The following HGD variants were observed in gnomAD, a reference collection of about 807,000 sequenced individuals.
HGD encodes the protein homogentisate 1,2-dioxygenase, also known as homogentisate oxidase.
Under a neutral mutation model 60.8 loss-of-function variants are expected in HGD, and 61 were observed. The ratio of observed to expected loss-of-function variants is 1.00; its 90% confidence interval spans 0.82 to 1.24. HGD has a LOEUF of 1.24. HGD is among the 50% of genes most tolerant of loss of function. The pLI is 0.00. For missense variants in HGD, 542 were observed against 547.1 expected (o/e 0.99, Z 0.09); for synonymous variants, 212 against 187.7 (o/e 1.13, Z -1.06).
intron 4 of HGD, among the ~76,000 whole-genome samples, chr3:120,654,824 G>A (rs1373627702): frequency 6.6e-6 from 1 of 152,174 alleles, no homozygotes; most frequent in Non-Finnish European, 1.5e-5. Flanking sequence ...TGTAATTCCA[G>A]CACCTTTGGA....
At position 120,682,117 on chromosome 3, in the gene HGD, C is replaced by T; in HGVS notation, c.-6G>A. 6.2e-7 allele frequency: 1 copy of T among 1,614,014 alleles called. No individual in the cohort carries two copies. The highest frequency in any genetic ancestry group is 8.5e-7 in the Non-Finnish European group (1 of 1,179,884). On this transcript the variant is annotated 5_prime_UTR_variant, in exon 1 of 14. Transcript: ENST00000283871. Reference sequence around the variant, plus strand: ...CTTACCTTTAACTCAGCCATTTTCTCTCTCCTCTATGTGTGGTGACTTCAG... The same window carrying T: ...CTTACCTTTAACTCAGCCATTTTCTTTCTCCTCTATGTGTGGTGACTTCAG...
intron 4 of HGD, among the ~76,000 whole-genome samples, chr3:120,666,294 G>A (rs1356571386): frequency 1.3e-5 from 2 of 152,082 alleles, no homozygotes; most frequent in African/African-American, 4.8e-5. Flanking sequence ...AATTCATTTG[G>A]TGGCTACCAT....
rs753871493 is a variant in HGD, at chr3:120,646,299, A to G, written c.617T>C (p.Val206Ala). ...TRGYILEVYG[V>A]HFELPDLGPI... ...TCCAAGGTCAGGTAACTCAAAGTGG[A>G]CACCATAGACCTCCAAGATGTAGCC... Residue 206 changes from valine (V) to alanine (A), a missense_variant, in exon 9 of 14, where the codon GTC becomes GCC. Physicochemically the swap from Val to Ala is moderately conservative, Grantham distance 64. Around this residue, in one of 2 missense-constraint regions of HGD, gnomAD observed 537 missense variants for 529.1 expected, o/e 1.01. Transcript: ENST00000283871. 2 of 1,613,162 alleles carry G rather than the reference A, an allele frequency of 1.2e-6. No individual in the cohort carries two copies. The highest frequency in any genetic ancestry group is 3.3e-5 in the Admixed American group (2 of 60,014).
intron 6 of HGD, among the ~76,000 whole-genome samples, chr3:120,649,139 C>CTTTTTT (rs10572267): frequency 8.8e-3 from 825 of 94,238 alleles, no homozygotes; most frequent in African/African-American, 0.012. Flanking sequence ...TCTTCTTTTT[C>CTTTTTT]TTTTTTTTTT....
chr3:120,662,769 C>G (rs2733795), intron 4 of HGD, among the ~76,000 whole-genome samples: 128,654 of 152,176 alleles, frequency 0.85, 55,198 homozygotes, highest in East Asian at 0.98. Context: ...GAGGGAAAAA[C>G]AAGCAGAAGG....
rs1261740348 is a variant in HGD, at chr3:120,635,699, C to G, written c.1007-2371G>C. Among the ~76,000 whole-genome samples, 3 of 151,770 alleles carry G rather than the reference C, an allele frequency of 2.0e-5. No individual in the cohort carries two copies. The East Asian group carries it at 5.8e-4, about 29-fold the overall frequency. On this transcript the variant is annotated intron_variant, in intron 12 of 13. Transcript: ENST00000283871. ...GTTTTTTCCCAACGAACTCAGGGTA[C>G]CCATACCTTTATAAGATCTACCCTG... is the stretch of plus-strand genomic sequence containing the variant.
chr3:120,634,577 A>G (rs1469999115), intron 12 of HGD, among the ~76,000 whole-genome samples: 2 of 152,212 alleles, frequency 1.3e-5, no homozygotes, highest in Admixed American at 1.3e-4. Context: ...TACTTAAAAA[A>G]GAAATAATTA....
rs1012124003 is a variant in HGD at position 120,644,461 on chromosome 3, A to G, written c.650-18T>C. The G allele has an allele frequency of 3.1e-6, 5 of 1,613,886 alleles. No individual in the cohort carries two copies. The highest frequency in any genetic ancestry group is 1.3e-5 in the African/African-American group (1 of 74,938). On this transcript the variant is annotated intron_variant, in intron 9 of 13. Transcript: ENST00000283871. ...ATTGGCCCCTAGAAAACAGTAACCC[A>G]AAAGTCTTTTAGAAACTTCCAAAAC... is the stretch of plus-strand genomic sequence containing the variant.
At chr3:120,664,594 AT>A (rs1381730250) in intron 4 of HGD, among the ~76,000 whole-genome samples, 2 of 151,026 alleles carry the variant, frequency 1.3e-5, no homozygotes, top group African/African-American at 2.4e-5. Flanking sequence ...TGCTCAGCTA[AT>A]TTTTTTTCAC....
chr3:120,633,819 G>C (rs371965216), intron 12 of HGD, among the ~76,000 whole-genome samples: 13 of 152,278 alleles, frequency 8.5e-5, no homozygotes, highest in African/African-American at 3.1e-4. Context: ...ATGGATGATA[G>C]ATGATAATGT....
At chr3:120,668,047 G>A (rs935959929) in intron 4 of HGD, among the ~76,000 whole-genome samples, 7 of 152,120 alleles carry the variant, frequency 4.6e-5, no homozygotes, top group Non-Finnish European at 1.0e-4. Flanking sequence ...TTGTGTGGGG[G>A]ACTGAGTCTA....
Position 120,628,192 on chromosome 3 carries a change from T to C in HGD, c.*188A>G. ...CTACGTCCACAGAACACCAGCAAGT[T>C]TATTGAGTAATTAAGGTGACAGCCA... is the stretch of plus-strand genomic sequence containing the variant. On this transcript the variant is annotated 3_prime_UTR_variant, in exon 14 of 14. Coordinates refer to ENST00000283871, the MANE Select transcript of HGD (RefSeq NM_000187.4). The C allele has an allele frequency of 3.1e-6, 2 of 640,018 alleles. No individual in the cohort carries two copies. The highest frequency in any genetic ancestry group is 5.5e-6 in the Non-Finnish European group (2 of 364,370). 39.6% of individuals were successfully genotyped at this position (640,018 alleles called of 1,614,324 possible).
In HGD at chr3:120,642,978, G is replaced by A. The variant is rs182836268; in HGVS notation, c.775-1285C>T. ...TCCACTTGGAAAGTGCAAACCTTTC[G>A]GAGGAGCTACTGGCTGCTTCTACAA... On this transcript the variant is annotated intron_variant, in intron 10 of 13. Transcript: ENST00000283871. 3.9e-5 allele frequency among the ~76,000 whole-genome samples: 6 copies of A among 152,272 alleles called. No homozygotes were observed. The East Asian group carries it at 5.8e-4, about 15-fold the overall frequency.
rs767159114 is a variant in HGD at position 120,628,517 on chromosome 3, C to G, written c.1201G>C (p.Glu401Gln). The change falls in exon 14 of 14, where the codon GAA becomes CAA. Residue 401 changes from glutamate to glutamine, a missense_variant. By Grantham distance (29) the Glu-to-Gln change is conservative. Coordinates refer to ENST00000283871, the MANE Select transcript of HGD (RefSeq NM_000187.4). ...GTGACCGCCAGACTTAAAGATGATT[C>G]AAACATAAATGCCTGGAGGAAGTGA... ...IADGTMAFMF[E>Q]SSLSLAVTKW... 2 of 1,613,944 alleles carry G rather than the reference C, an allele frequency of 1.2e-6. No individual in the cohort carries two copies. Among genetic ancestry groups the G allele is most frequent in the Non-Finnish European group, 1.7e-6 (2 of 1,179,964 alleles).
At chr3:120,647,164 T>A (rs1941192451) in intron 7 of HGD, 112 bp from the exon 8 acceptor site, 1 of 799,128 alleles carries the variant, frequency 1.3e-6, no homozygotes, top group African/African-American at 1.7e-5. Flanking sequence ...TGCAAAGAGC[T>A]TTATTGAGTC....
Position 120,640,121 on chromosome 3 carries a change from G to A in HGD, c.879+1468C>T, listed in dbSNP as rs143791396. On this transcript the variant is annotated intron_variant, in intron 11 of 13. Transcript: ENST00000283871. Reference sequence around the variant, plus strand: ...AAGAATGAACAGAAAGAAAGAAAAAGAGAGAGAGAAAGGAAGGAAGGAAGG... The same window carrying A: ...AAGAATGAACAGAAAGAAAGAAAAAAAGAGAGAGAAAGGAAGGAAGGAAGG... Among the ~76,000 whole-genome samples, 1,363 of 148,034 alleles carry A rather than the reference G, an allele frequency of 9.2e-3. 21 individuals are homozygous for A. Among genetic ancestry groups the A allele is most frequent in the African/African-American group, 0.032 (1,295 of 40,292 alleles).
chr3:120,662,398 G>C (rs1707793573), intron 4 of HGD, among the ~76,000 whole-genome samples: 1 of 152,120 alleles, frequency 6.6e-6, no homozygotes, highest in African/African-American at 2.4e-5. Flanking sequence ...GAACCAGAGA[G>C]ATCCTGAAAG....
chr3:120,670,681 C>A, intron 3 of HGD, 149 bp from the exon 4 acceptor site: 1 of 691,090 alleles, frequency 1.4e-6, no homozygotes, highest in East Asian at 2.7e-5. Flanking sequence ...AATGATACAG[C>A]ATCACTTTTC....
intron 4 of HGD, among the ~76,000 whole-genome samples, chr3:120,665,889 A>C (rs939976976): frequency 2.0e-5 from 3 of 152,234 alleles, no homozygotes; most frequent in Non-Finnish European, 4.4e-5. Context: ...TTCAGCTGGG[A>C]AGGACTGTCA....
Sources: gnomAD v4.1 joint callset for allele counts (sites outside exome capture counted in the v4.1 genomes callset) on GRCh38, gnomAD v4.1.1 for gene constraint, gnomAD v4.1.1 regional missense constraint, MANE v1.5 for transcripts, NCBI Gene and HGNC (gene_info 2026-07-23, HGNC 2026-07-21) for gene names.